Variants in BUD31 observed in about 807,000 individuals in gnomAD.
BUD31 encodes the protein protein BUD31 homolog.
In BUD31, 9 loss-of-function variants were observed where a neutral mutation model predicts 17.9. That is an observed-to-expected ratio of 0.50 (90% confidence interval 0.30 to 0.88). The LOEUF (loss-of-function observed/expected upper bound fraction) is 0.88, where lower values mean the gene tolerates loss of function less well. BUD31 is among the 40% of genes least tolerant of loss of function. BUD31 has a pLI of 0.06. For missense variants in BUD31, 148 were observed against 184.5 expected (o/e 0.80, Z 1.15); for synonymous variants, 70 against 64.7 (o/e 1.08, Z -0.39).
At chr7:99,412,669 T>C (rs1795235667) in intron 3 of BUD31, among the ~76,000 whole-genome samples, 1 of 151,598 alleles carries the variant, frequency 6.6e-6, no homozygotes, top group Admixed American at 6.6e-5. Context: ...TGGAGTGCAG[T>C]GGCGCGATCT....
chr7:99,418,339 G>A (rs889061360), intron 5 of BUD31: 8 of 156,236 alleles, frequency 5.1e-5, no homozygotes, highest in Admixed American at 4.3e-4. Context: ...GAGTGGTGCT[G>A]AGGGACAGGA....
Position 99,419,519 on chromosome 7 carries a change from G to T in BUD31, c.*78G>T. On this transcript the variant is annotated 3_prime_UTR_variant, in exon 6 of 6. Transcript: ENST00000222969. ...GCCACCCCCTTCCTGGGAGCAGCGAGCAGTGCCCCAGGCCCGAGTTGGAGC... is the reference window on the plus strand; with the variant it reads ...GCCACCCCCTTCCTGGGAGCAGCGATCAGTGCCCCAGGCCCGAGTTGGAGC... The T allele has an allele frequency of 6.4e-7, 1 of 1,550,490 alleles. No individual in the cohort carries two copies.
chr7:99,416,387 C>A, intron 4 of BUD31, 127 bp downstream of exon 4: 1 of 1,243,356 alleles, frequency 8.0e-7, no homozygotes, highest in Non-Finnish European at 1.1e-6. Context: ...TTAGGGGGAG[C>A]CAACGTTGGC....
intron 3 of BUD31, among the ~76,000 whole-genome samples, chr7:99,412,910 C>T (rs1280151156): frequency 7.2e-5 from 11 of 152,128 alleles, no homozygotes; most frequent in East Asian, 1.9e-4. Context: ...CATGAGCCAC[C>T]GCGCCCGACC....
intron 3 of BUD31, among the ~76,000 whole-genome samples, chr7:99,411,545 G>A (rs1584430602): frequency 6.6e-6 from 1 of 151,904 alleles, no homozygotes; most frequent in Admixed American, 6.6e-5. Context: ...CAGTATCATC[G>A]ATTAGTCTTT....
chr7:99,416,229 C>T lies in BUD31; in HGVS notation c.186C>T (p.Asp62=). 6.2e-7 allele frequency: 1 copy of T among 1,614,002 alleles called. No individual in the cohort carries two copies. ...ACCAGAAAACCCGCTACATCTTCGA[C>T]CTCTTTTACAAGCGGAAAGCCATCA... is the stretch of plus-strand genomic sequence containing the variant. ...IHHQKTRYIF[D]LFYKRKAISR... The change falls in exon 4 of 6, where the codon GAC becomes GAT. Residue 62 remains aspartate (D), a synonymous_variant. Transcript: ENST00000222969.
chr7:99,417,977 C>T (rs962410640), intron 5 of BUD31: 77 of 1,180,394 alleles, frequency 6.5e-5, no homozygotes, highest in African/African-American at 5.6e-4. Context: ...CTATCTTTCC[C>T]GCCCCCCCAA....
chr7:99,416,637 T>C, intron 4 of BUD31: 1 of 167,810 alleles, frequency 6.0e-6, no homozygotes, highest in South Asian at 1.4e-4. Context: ...CAGGCTGATC[T>C]TGAACTCCTG....
At position 99,417,472 on chromosome 7, in the gene BUD31, C is replaced by G; in HGVS notation, c.261C>G (p.Asn87Lys). ...YCIKEGYADK[N>K]LIAKWKKQGY... ...TTAAAGAAGGCTATGCAGACAAAAA[C>G]CTGATTGCAAAATGGAAAAAGCAAG... Residue 87 changes from asparagine to lysine, a missense_variant, in exon 5 of 6, where the codon AAC (asparagine) becomes AAG (lysine). Transcript: ENST00000222969. 1.2e-6 allele frequency: 2 copies of G among 1,612,334 alleles called. No individual in the cohort carries two copies. Among genetic ancestry groups the G allele is most frequent in the East Asian group, 2.2e-5 (1 of 44,882 alleles).
chr7:99,419,573 C>G lies in BUD31; in HGVS notation c.*132C>G, dbSNP rs1795704483. ...GTCTCTATGGGGAAGGCTTCGCTGT[C>G]TATCAGCTGTGATTTGTAAAAATAA... On this transcript the variant is annotated 3_prime_UTR_variant, in exon 6 of 6. Coordinates refer to ENST00000222969, the MANE Select transcript of BUD31 (RefSeq NM_003910.4). The G allele has an allele frequency of 4.0e-6, 4 of 1,002,010 alleles. No homozygotes were observed. The Admixed American group carries it at 8.5e-5, about 21-fold the overall frequency. The allele number at this position is 1,002,010 out of a possible 1,614,324, so 62.1% of individuals were successfully genotyped here.
At chr7:99,419,357 A>G (rs779187174) in intron 5 of BUD31, 34 bp from the exon 6 acceptor site, 2 of 1,611,726 alleles carry the variant, frequency 1.2e-6, no homozygotes, top group Non-Finnish European at 1.7e-6. Context: ...AGCGTGGCGC[A>G]GTGGCATCGT....
chr7:99,414,279 A>G (rs2150924576), intron 3 of BUD31, among the ~76,000 whole-genome samples: 1 of 152,092 alleles, frequency 6.6e-6, no homozygotes, highest in Non-Finnish European at 1.5e-5. Context: ...AGCTGGGATT[A>G]CAAGCGTGCA....
intron 3 of BUD31, chr7:99,415,081 C>T: frequency 7.9e-6 from 3 of 380,460 alleles, no homozygotes; most frequent in South Asian, 2.0e-5. Context: ...TGGGTTTCTC[C>T]CCGTGTGTGG....
intron 5 of BUD31, 149 bp downstream of exon 5, chr7:99,417,744 G>C: frequency 6.5e-7 from 1 of 1,535,050 alleles, no homozygotes; most frequent in Non-Finnish European, 8.7e-7. Flanking sequence ...GTGGGTCCCT[G>C]TATTCAGGAA....
In BUD31 at chr7:99,415,730, T is replaced by C. The variant is rs112326046; in HGVS notation, c.95-408T>C. Among the ~76,000 whole-genome samples, 528 of 152,326 alleles carry C rather than the reference T, an allele frequency of 3.5e-3. 3 individuals are homozygous for C. Among genetic ancestry groups the C allele is most frequent in the African/African-American group, 0.01 (428 of 41,566 alleles). ...AGACCAAGGAGCCCTCTGGTGGCCC[T>C]GTCCGGGCATAACAGAAGGCTTGCA... is the stretch of plus-strand genomic sequence containing the variant. On this transcript the variant is annotated intron_variant, in intron 3 of 5. Transcript: ENST00000222969.
intron 5 of BUD31, chr7:99,418,006 C>T (rs1181524681): frequency 4.5e-5 from 52 of 1,160,710 alleles, no homozygotes; most frequent in Non-Finnish European, 5.2e-5. Flanking sequence ...CTTGCTTTGT[C>T]GCCCAGGCTG....
chr7:99,414,149 T>A (rs1163887803), intron 3 of BUD31, among the ~76,000 whole-genome samples: 1 of 151,922 alleles, frequency 6.6e-6, no homozygotes, highest in Non-Finnish European at 1.5e-5. Flanking sequence ...TTTTTTTATT[T>A]TTTTTTTTGA....
At chr7:99,409,780 T>TGTGGGGGGGGGGGGGGGGG (rs1795103566) in intron 1 of BUD31, among the ~76,000 whole-genome samples, 1 of 61,120 alleles carries the variant, frequency 1.6e-5, no homozygotes, top group Non-Finnish European at 3.2e-5. Context: ...GGGGGGGGGG[T>TGTGGGGGGGGGGGGGGGGG]GGGTCTTTGT....
At chr7:99,418,048 A>C (rs565968785) in intron 5 of BUD31, 46 of 1,035,812 alleles carry the variant, frequency 4.4e-5, no homozygotes, top group Non-Finnish European at 5.4e-5. Context: ...GCTCACTGCA[A>C]CCTCCACCTC....
Sources: gnomAD v4.1 joint callset for allele counts (sites outside exome capture counted in the v4.1 genomes callset) on GRCh38, gnomAD v4.1.1 for gene constraint, MANE v1.5 for transcripts, NCBI Gene and HGNC (gene_info 2026-07-23, HGNC 2026-07-21) for gene names.